SEMA4F: variants seen among roughly 807,000 people sequenced by gnomAD.
The protein encoded by SEMA4F is ssemaphorin 4F.
SEMA4F carries 51 observed loss-of-function variants against 78.4 expected under a neutral mutation model. The ratio of observed to expected loss-of-function variants is 0.65; its 90% confidence interval spans 0.52 to 0.82. The LOEUF (loss-of-function observed/expected upper bound fraction) is 0.82. Ranked by LOEUF, SEMA4F falls within the 40% of genes least tolerant of loss-of-function variation. The pLI, the probability that SEMA4F is intolerant of heterozygous loss-of-function variation, is 0.00. For synonymous variants in SEMA4F, 418 were observed against 408.7 expected, an observed-to-expected ratio of 1.02 and a Z score of -0.27; for missense variants, 938 against 1,014.4, an observed-to-expected ratio of 0.92 and a Z score of 1.02.
intron 13 of SEMA4F, 124 bp downstream of exon 13, chr2:74,679,458 G>A (rs1220868833): frequency 1.6e-5 from 23 of 1,479,286 alleles, no homozygotes; most frequent in Admixed American, 3.5e-5. Flanking sequence ...CAGGAACCTC[G>A]GGCCTTAGCC....
At chr2:74,656,760 G>T (rs1684167223) in intron 2 of SEMA4F, 75 bp downstream of exon 2, 14 of 1,501,970 alleles carry the variant, frequency 9.3e-6, no homozygotes, top group East Asian at 2.3e-5. Context: ...AGTGTGTGTG[G>T]GGGATTTCAT....
chr2:74,695,219 C>T, the SEMA4F span, among the ~76,000 whole-genome samples: 8 of 152,282 alleles, frequency 5.3e-5, no homozygotes, highest in South Asian at 1.2e-3. Context: ...AGATGTGAGT[C>T]GAGTTGCCTC....
chr2:74,667,851 G>A (rs2104960991), intron 5 of SEMA4F, among the ~76,000 whole-genome samples: 1 of 152,226 alleles, frequency 6.6e-6, no homozygotes, highest in South Asian at 2.1e-4. Flanking sequence ...ATCTCAGTGA[G>A]CCCATGGCTT....
At chr2:74,668,754 C>G (rs181515591) in intron 5 of SEMA4F, among the ~76,000 whole-genome samples, 1 of 151,436 alleles carries the variant, frequency 6.6e-6, no homozygotes, top group Non-Finnish European at 1.5e-5. Flanking sequence ...TTCAGCCTCC[C>G]AAGTAGCTGG....
chr2:74,667,855 A>G (rs376197816), intron 5 of SEMA4F, among the ~76,000 whole-genome samples: 21 of 152,254 alleles, frequency 1.4e-4, no homozygotes, highest in African/African-American at 5.1e-4. Flanking sequence ...CAGTGAGCCC[A>G]TGGCTTCTGT....
chr2:74,671,543 C>G (rs1684991545), intron 5 of SEMA4F, among the ~76,000 whole-genome samples: 1 of 152,208 alleles, frequency 6.6e-6, no homozygotes, highest in Non-Finnish European at 1.5e-5. Context: ...TAGCTCTCCC[C>G]TTAAATGAGA....
At chr2:74,673,366 C>A (rs1263962726) in intron 5 of SEMA4F, 91 bp from the exon 6 acceptor site, 20 of 1,513,548 alleles carry the variant, frequency 1.3e-5, no homozygotes, top group African/African-American at 2.7e-5. Flanking sequence ...CTGAGAGTCG[C>A]TGCCCTGCTT....
the SEMA4F span, among the ~76,000 whole-genome samples, chr2:74,691,446 G>A: frequency 3.9e-5 from 6 of 152,338 alleles, no homozygotes; most frequent in African/African-American, 7.2e-5. Context: ...ACTCATGTTT[G>A]CATGTGTGTG....
At position 74,683,016 on chromosome 2, in the gene SEMA4F, C is replaced by T. The variant is rs964809260; in HGVS notation, c.*2807C>T. ...CTGCTCCCTCTGCATCCCAACTGAC[C>T]CTGGTGCTTCCCCATGTGGCCCCTG... On this transcript the variant is annotated 3_prime_UTR_variant, in exon 14 of 14. Transcript: ENST00000357877. 6.6e-6 allele frequency: 1 copy of T among 152,520 alleles called. No homozygotes were observed. Among genetic ancestry groups the T allele is most frequent in the Non-Finnish European group, 1.5e-5 (1 of 68,290 alleles). 9.4% of individuals were successfully genotyped at this position (152,520 alleles called of 1,614,324 possible).
At chr2:74,663,912 C>T (rs2104942955) in intron 5 of SEMA4F, among the ~76,000 whole-genome samples, 1 of 152,354 alleles carries the variant, frequency 6.6e-6, no homozygotes, top group East Asian at 1.9e-4. Flanking sequence ...ACATTTGCTG[C>T]CAGTCCTTTG....
intron 12 of SEMA4F, among the ~76,000 whole-genome samples, chr2:74,676,242 T>A (rs1685274329): frequency 6.6e-6 from 1 of 152,230 alleles, no homozygotes; most frequent in Non-Finnish European, 1.5e-5. Flanking sequence ...TGAAATACTT[T>A]CCTCTTGCTC....
At chr2:74,656,190 A>G (rs1261416758) in intron 1 of SEMA4F, among the ~76,000 whole-genome samples, 3 of 151,860 alleles carry the variant, frequency 2.0e-5, no homozygotes, top group African/African-American at 7.3e-5. Context: ...TTGTATTTTT[A>G]GTAGAGACGG....
In SEMA4F at chr2:74,673,711, A is replaced by G. The variant is rs1212796684; in HGVS notation, c.705A>G (p.Pro235=). 2.5e-6 allele frequency: 4 copies of G among 1,614,054 alleles called. No individual in the cohort carries two copies. The African/African-American group carries it at 5.3e-5, about 22-fold the overall frequency. ...PAFVAAVALS[P]AEWGDEDGDD... ...TTGTCGCAGCCGTGGCCTTGAGCCCAGCCGAATGGGGGGATGAAGATGGAG... is the reference window on the plus strand; with the variant it reads ...TTGTCGCAGCCGTGGCCTTGAGCCCGGCCGAATGGGGGGATGAAGATGGAG... The change falls in exon 7 of 14, where the codon CCA becomes CCG. Residue 235 remains proline, a synonymous_variant. Transcript: ENST00000357877.
At chr2:74,695,135 T>C in the SEMA4F span, among the ~76,000 whole-genome samples, 68 of 152,296 alleles carry the variant, frequency 4.5e-4, no homozygotes, top group African/African-American at 1.6e-3. Context: ...AAGAGGAAAA[T>C]TGTTGTGCTG....
chr2:74,660,782 T>C (rs1684387562), intron 4 of SEMA4F, among the ~76,000 whole-genome samples: 1 of 152,216 alleles, frequency 6.6e-6, no homozygotes, highest in Non-Finnish European at 1.5e-5. Flanking sequence ...AAAGAACTAG[T>C]TTCAACATAT....
At chr2:74,671,029 G>A (rs1156771344) in intron 5 of SEMA4F, among the ~76,000 whole-genome samples, 3 of 151,776 alleles carry the variant, frequency 2.0e-5, no homozygotes, top group African/African-American at 7.3e-5. Flanking sequence ...ACTATTCTGA[G>A]TGGAAGATGG....
Position 74,673,588 on chromosome 2 carries a change from G to A in SEMA4F, c.670+12G>A. 6.2e-7 allele frequency: 1 copy of A among 1,614,132 alleles called. No individual in the cohort carries two copies. The highest frequency in any genetic ancestry group is 1.3e-5 in the African/African-American group (1 of 75,032). On this transcript the variant is annotated intron_variant, in intron 6 of 13. Coordinates refer to ENST00000357877, the MANE Select transcript of SEMA4F (RefSeq NM_004263.5). ...TTCCTGGCTGAACGGTGGGGAGAGG[G>A]AGAGGGGTCCTCTGGGGAGACCGAT...
downstream of SEMA4F, chr2:74,683,885 A>C (rs573350012): frequency 1.3e-5 from 2 of 152,202 alleles, no homozygotes; most frequent in Non-Finnish European, 2.9e-5. Flanking sequence ...CCTGCCCACT[A>C]TACTAATATC....
intron 5 of SEMA4F, among the ~76,000 whole-genome samples, chr2:74,670,423 G>A (rs937297961): frequency 1.3e-5 from 2 of 152,196 alleles, no homozygotes; most frequent in African/African-American, 4.8e-5. Flanking sequence ...TGGTGTCAGT[G>A]ATCCTTGGCT....
Sources: allele counts gnomAD v4.1 joint callset (sites outside exome capture counted in the v4.1 genomes callset), GRCh38; gene constraint gnomAD v4.1.1; transcripts MANE v1.5; gene names NCBI Gene and HGNC (gene_info 2026-07-23, HGNC 2026-07-21).